C2CD3: variants seen among roughly 807,000 people sequenced by gnomAD.
C2CD3 encodes C2 domain-containing protein 3.
C2CD3 carries 148 observed loss-of-function variants against 234.0 expected under a neutral mutation model. That is an observed-to-expected ratio of 0.63 (90% CI 0.55 to 0.72). C2CD3 has a LOEUF of 0.72. C2CD3 is among the 30% of genes least tolerant of loss of function. The pLI is 0.00. For synonymous variants in C2CD3, 1,000 were observed against 1,035.4 expected (o/e 0.97, Z 0.66); for missense variants, 2,577 against 2,811.5 (o/e 0.92, Z 1.89).
chr11:74,045,099 A>T (rs1565223919), intron 28 of C2CD3, among the ~76,000 whole-genome samples: 1 of 152,122 alleles, frequency 6.6e-6, no homozygotes, highest in Non-Finnish European at 1.5e-5. Flanking sequence ...ATTTTTGTGT[A>T]TGGTTTGAGG....
chr11:74,072,708 TG>T (rs1312556728), intron 24 of C2CD3, among the ~76,000 whole-genome samples: 1 of 117,080 alleles, frequency 8.5e-6, no homozygotes, highest in Non-Finnish European at 1.8e-5. Flanking sequence ...GCACAATTTT[TG>T]TCTGTCCTTT....
At chr11:74,060,304 CGG>C (rs1166964130) in intron 24 of C2CD3, among the ~76,000 whole-genome samples, 2 of 152,196 alleles carry the variant, frequency 1.3e-5, no homozygotes, top group Non-Finnish European at 2.9e-5. Flanking sequence ...GATCTGAGAA[CGG>C]ACAGACTGCC....
chr11:74,126,800 G>A (rs1207275221), intron 7 of C2CD3, among the ~76,000 whole-genome samples: 1 of 152,042 alleles, frequency 6.6e-6, no homozygotes, highest in Non-Finnish European at 1.5e-5. Context: ...ATAGTTTTTA[G>A]TATGTTCATA....
intron 24 of C2CD3, among the ~76,000 whole-genome samples, chr11:74,068,954 C>T (rs749654378): frequency 3.9e-5 from 6 of 152,054 alleles, no homozygotes; most frequent in Admixed American, 6.6e-5. Flanking sequence ...TGCAGGCTTG[C>T]GCTCAGCTAA....
Position 74,048,207 on chromosome 11 carries a change from C to CCCAGGAGAGGAGAA in C2CD3, c.5479_5492dup (p.Arg1832SerfsTer45). The CCCAGGAGAGGAGAA allele has an allele frequency of 6.2e-7, 1 of 1,613,032 alleles. No homozygotes were observed. Among genetic ancestry groups the CCCAGGAGAGGAGAA allele is most frequent in the Non-Finnish European group, 8.5e-7 (1 of 1,179,558 alleles). ...CTCATCATCAAGAATTCACTCACCT[C>CCCAGGAGAGGAGAA]CCAGGAGAGGAGAAATCAAGCTCCT... is the stretch of plus-strand genomic sequence containing the variant. On this transcript the variant is annotated frameshift_variant, in exon 28 of 33. Coordinates refer to ENST00000334126, the MANE Select transcript of C2CD3 (RefSeq NM_001286577.2). LOFTEE classifies it high-confidence loss of function.
intron 9 of C2CD3, among the ~76,000 whole-genome samples, chr11:74,114,980 G>C (rs772946411): frequency 6.6e-6 from 1 of 152,028 alleles, no homozygotes; most frequent in Non-Finnish European, 1.5e-5. Context: ...GGGATTACAG[G>C]TGTGAACAAC....
intron 1 of C2CD3, among the ~76,000 whole-genome samples, chr11:74,169,391 C>T (rs549277661): frequency 1.7e-4 from 26 of 152,220 alleles, no homozygotes; most frequent in South Asian, 2.1e-4. Flanking sequence ...AGTACCTTTT[C>T]GGGAAAACTT....
At chr11:74,045,511 G>C (rs60759798) in intron 28 of C2CD3, among the ~76,000 whole-genome samples, 15,552 of 152,046 alleles carry the variant, frequency 0.1, 2,050 homozygotes, top group African/African-American at 0.31. Flanking sequence ...TATTAAGTCT[G>C]TTAATCCATA....
chr11:74,032,154 TG>T (rs1162392185), intron 31 of C2CD3, among the ~76,000 whole-genome samples: 1 of 152,144 alleles, frequency 6.6e-6, no homozygotes. Context: ...TATAATTTGG[TG>T]GGTAAGGGAT....
At chr11:74,088,903 A>G (rs1347166018) in intron 20 of C2CD3, among the ~76,000 whole-genome samples, 2 of 152,212 alleles carry the variant, frequency 1.3e-5, no homozygotes, top group Non-Finnish European at 2.9e-5. Flanking sequence ...GTTGGACCTT[A>G]TTATATGGAC....
At chr11:74,131,405 A>C (rs1957677429) in intron 7 of C2CD3, among the ~76,000 whole-genome samples, 1 of 151,720 alleles carries the variant, frequency 6.6e-6, no homozygotes, top group Non-Finnish European at 1.5e-5. Context: ...ACATATATTG[A>C]ATTTCAGGTG....
intron 8 of C2CD3, among the ~76,000 whole-genome samples, chr11:74,119,235 T>C (rs1331206671): frequency 1.3e-5 from 2 of 152,074 alleles, no homozygotes; most frequent in Admixed American, 1.3e-4. Context: ...CACCATTCTA[T>C]ACTACAAATG....
chr11:74,150,514 AACAAAAAAAAAAC>A (rs1565348160), intron 3 of C2CD3, among the ~76,000 whole-genome samples: 14 of 67,524 alleles, frequency 2.1e-4, no homozygotes, highest in Non-Finnish European at 2.9e-4. Flanking sequence ...AAAAAAAAAA[AACAAAAAAAAAAC>A]AAAACAAATT....
chr11:74,065,555 A>C (rs549853480), intron 24 of C2CD3, among the ~76,000 whole-genome samples: 1 of 152,320 alleles, frequency 6.6e-6, no homozygotes, highest in South Asian at 2.1e-4. Context: ...CAGCCATCCT[A>C]TTACTGGGTA....
intron 28 of C2CD3, among the ~76,000 whole-genome samples, chr11:74,046,434 C>T (rs1161100744): frequency 1.3e-5 from 2 of 152,176 alleles, no homozygotes; most frequent in Non-Finnish European, 2.9e-5. Context: ...CCCTTAAGTA[C>T]CTGGGCTCAA....
chr11:74,118,268 C>T lies in C2CD3; in HGVS notation c.1480G>A (p.Asp494Asn). The T allele has an allele frequency of 6.2e-7, 1 of 1,613,910 alleles. No individual in the cohort carries two copies. The highest frequency in any genetic ancestry group is 8.5e-7 in the Non-Finnish European group (1 of 1,179,888). Residue 494 changes from aspartate to asparagine, a missense_variant, in exon 9 of 33, where the codon GAT (aspartate) becomes AAT (asparagine). Physicochemically the swap from Asp to Asn is conservative, Grantham distance 23. Transcript: ENST00000334126. ...ARSSKVLESS[D>N]HKLKKRSAGK... ...GCTGACCTCTTCTTCAGCTTATGAT[C>T]ACTTGACTCCAGAACCTTAGATGAT...
chr11:74,130,824 C>T (rs1957648528), intron 7 of C2CD3, among the ~76,000 whole-genome samples: 2 of 151,838 alleles, frequency 1.3e-5, no homozygotes, highest in Admixed American at 1.3e-4. Context: ...GTTCTGGGTC[C>T]CCTGCAATTT....
intron 2 of C2CD3, chr11:74,164,279 A>G: frequency 4.2e-6 from 4 of 960,144 alleles, no homozygotes; most frequent in Non-Finnish European, 5.0e-6. Context: ...CACGTAGTGT[A>G]GCCATAATTT....
At chr11:74,111,325 A>C (rs1956734468) in intron 11 of C2CD3, among the ~76,000 whole-genome samples, 1 of 152,140 alleles carries the variant, frequency 6.6e-6, no homozygotes, top group Admixed American at 6.5e-5. Flanking sequence ...CCAAAATCCA[A>C]AACTTTCTGA....
Sources: gnomAD v4.1 joint callset for allele counts (sites outside exome capture counted in the v4.1 genomes callset) on GRCh38, gnomAD v4.1.1 for gene constraint, MANE v1.5 for transcripts, NCBI Gene and HGNC (gene_info 2026-07-23, HGNC 2026-07-21) for gene names.